Variants in CIB4 observed in about 807,000 individuals in gnomAD.
The protein encoded by CIB4 is calcium and integrin-binding family member 4.
CIB4 carries 25 observed loss-of-function variants against 25.8 expected under a neutral mutation model. The ratio of observed to expected loss-of-function variants is 0.97; its 90% confidence interval spans 0.71 to 1.35. The LOEUF (loss-of-function observed/expected upper bound fraction) is 1.35. CIB4 is among the 40% of genes most tolerant of loss of function. CIB4 has a pLI of 0.00. For synonymous variants in CIB4, 75 were observed against 81.4 expected (o/e 0.92, Z 0.42); for missense variants, 235 against 228.2 (o/e 1.03, Z -0.19).
At chr2:26,582,221 C>A (rs933952536) in intron 6 of CIB4, among the ~76,000 whole-genome samples, 2 of 152,178 alleles carry the variant, frequency 1.3e-5, no homozygotes, top group African/African-American at 2.4e-5. Context: ...GAGCAGGAGA[C>A]GCCAGCTCCA....
chr2:26,586,052 C>T (rs1668446311), intron 4 of CIB4, among the ~76,000 whole-genome samples: 1 of 152,194 alleles, frequency 6.6e-6, no homozygotes, highest in African/African-American at 2.4e-5. Context: ...CACTACCCCA[C>T]CCTAGCCCAG....
At chr2:26,632,247 A>G (rs149366861) in intron 2 of CIB4, among the ~76,000 whole-genome samples, 1 of 152,138 alleles carries the variant, frequency 6.6e-6, no homozygotes, top group Non-Finnish European at 1.5e-5. Flanking sequence ...TGTGGTGTTC[A>G]TGGAGAGCAC....
At chr2:26,593,606 C>A (rs1365514546) in intron 4 of CIB4, among the ~76,000 whole-genome samples, 1 of 152,112 alleles carries the variant, frequency 6.6e-6, no homozygotes, top group African/African-American at 2.4e-5. Flanking sequence ...GAGAATTCAT[C>A]AATGAAAACA....
At chr2:26,599,071 G>A (rs1668735523) in intron 3 of CIB4, among the ~76,000 whole-genome samples, 1 of 152,204 alleles carries the variant, frequency 6.6e-6, no homozygotes, top group South Asian at 2.1e-4. Context: ...CCTATCCAGA[G>A]AGTTATCATC....
At chr2:26,629,567 G>T in intron 2 of CIB4, 61 bp from the exon 3 acceptor site, 3 of 1,150,424 alleles carry the variant, frequency 2.6e-6, no homozygotes, top group South Asian at 1.3e-5. Context: ...TGTGTGGCCG[G>T]GGAAAGGAGG....
intron 2 of CIB4, among the ~76,000 whole-genome samples, chr2:26,630,871 T>C (rs1669404605): frequency 6.6e-6 from 1 of 152,092 alleles, no homozygotes; most frequent in South Asian, 2.1e-4. Flanking sequence ...ATACTCCAGG[T>C]GCCCCTGTGC....
In CIB4 at chr2:26,640,520, G is replaced by A. The variant is rs3739079; in HGVS notation, c.89+13C>T. 1.1e-3 allele frequency: 1,754 copies of A among 1,612,892 alleles called. 35 individuals carry two copies. In the East Asian group the frequency reaches 0.03, roughly 27 times the overall value. Reference sequence around the variant, plus strand: ...AGCTGGGAGAAGGAAAGAGGGGCGGGGCTTCTACTCACCACAGAATTTCAT... The same window carrying A: ...AGCTGGGAGAAGGAAAGAGGGGCGGAGCTTCTACTCACCACAGAATTTCAT... On this transcript the variant is annotated intron_variant, in intron 2 of 6. Transcript: ENST00000288861.
In CIB4 at chr2:26,627,595, A is replaced by G. The variant is rs1044352907; in HGVS notation, c.186+1815T>C. Among the ~76,000 whole-genome samples the G allele has an allele frequency of 3.3e-5, 5 of 152,120 alleles. No homozygotes were observed. The highest frequency in any genetic ancestry group is 1.2e-4 in the African/African-American group (5 of 41,400). On this transcript the variant is annotated intron_variant, in intron 3 of 6. Coordinates refer to ENST00000288861, the MANE Select transcript of CIB4 (RefSeq NM_001029881.3). The surrounding 1 kb of genome is among the most constrained non-coding windows in gnomAD (Gnocchi z 4.0). The stretch of plus-strand genomic sequence containing the variant: ...TGGTGGAGCCCATGCACGTGTACAC[A>G]TGGGGTGTGACTGTATGAGGGTGAG...
chr2:26,638,939 A>C (rs1276832178), intron 2 of CIB4, among the ~76,000 whole-genome samples: 1 of 152,068 alleles, frequency 6.6e-6, no homozygotes, highest in East Asian at 1.9e-4. Context: ...GAGACAGAGC[A>C]AGACTCTGTC....
chr2:26,590,856 G>T (rs936363156), intron 4 of CIB4, among the ~76,000 whole-genome samples: 1 of 152,190 alleles, frequency 6.6e-6, no homozygotes, highest in African/African-American at 2.4e-5. Flanking sequence ...TGCTGCAAGG[G>T]GCCTGGAGAG....
At chr2:26,610,002 G>C (rs1000063551) in intron 3 of CIB4, among the ~76,000 whole-genome samples, 1 of 152,206 alleles carries the variant, frequency 6.6e-6, no homozygotes, top group Admixed American at 6.5e-5. Context: ...TAGAACATTC[G>C]CTCCTCTGCT....
intron 2 of CIB4, among the ~76,000 whole-genome samples, chr2:26,639,168 T>C (rs546885067): frequency 1.3e-5 from 2 of 152,162 alleles, no homozygotes; most frequent in East Asian, 3.9e-4. Context: ...TCTTTTCACT[T>C]AGAACTTTTA....
At chr2:26,604,611 T>C (rs1366621050) in intron 3 of CIB4, among the ~76,000 whole-genome samples, 1 of 152,030 alleles carries the variant, frequency 6.6e-6, no homozygotes, top group Non-Finnish European at 1.5e-5. Context: ...ACTCTTTTTT[T>C]CCCCCAGACA....
intron 3 of CIB4, among the ~76,000 whole-genome samples, chr2:26,622,215 G>T (rs1239254416): frequency 6.6e-6 from 1 of 152,096 alleles, no homozygotes; most frequent in African/African-American, 2.4e-5. Context: ...GCAAAAATTA[G>T]CTGGGCATGG....
rs138423752 is a variant in CIB4, at chr2:26,637,272, C to T, written c.89+3261G>A. On this transcript the variant is annotated intron_variant, in intron 2 of 6. Transcript: ENST00000288861. ...AGGTTCCTGAGCCTTTCTGCGTTCT[C>T]GATTCCATCATCCAACCCCTGCAGG... Among the ~76,000 whole-genome samples the T allele has an allele frequency of 4.1e-3, 623 of 152,198 alleles. 5 individuals are homozygous for T. Among genetic ancestry groups the T allele is most frequent in the African/African-American group, 0.014 (583 of 41,526 alleles).
At chr2:26,598,028 G>T (rs543118317) in intron 3 of CIB4, among the ~76,000 whole-genome samples, 1 of 151,966 alleles carries the variant, frequency 6.6e-6, no homozygotes, top group East Asian at 1.9e-4. Flanking sequence ...GGCCGGGCAC[G>T]GTGGCTCACG....
intron 3 of CIB4, among the ~76,000 whole-genome samples, chr2:26,611,263 T>C (rs1668990749): frequency 6.6e-6 from 1 of 152,238 alleles, no homozygotes; most frequent in Non-Finnish European, 1.5e-5. Context: ...GTGGCGCCTG[T>C]CAGCACAGTC....
intron 2 of CIB4, among the ~76,000 whole-genome samples, chr2:26,633,298 C>T (rs1487167317): frequency 1.3e-5 from 2 of 152,222 alleles, no homozygotes; most frequent in Admixed American, 6.5e-5. Flanking sequence ...ACTGAATTTT[C>T]CCAACAACTC....
At position 26,585,161 on chromosome 2, in the gene CIB4, G is replaced by A. The variant is rs192182974; in HGVS notation, c.329-1263C>T. Reference sequence around the variant, plus strand: ...TAAATGGGTCTTCTCAACAGACCTTGGAAGAGCATGACCTGGAGGGACGGT... The same window carrying A: ...TAAATGGGTCTTCTCAACAGACCTTAGAAGAGCATGACCTGGAGGGACGGT... On this transcript the variant is annotated intron_variant, in intron 4 of 6. Coordinates refer to ENST00000288861, the MANE Select transcript of CIB4 (RefSeq NM_001029881.3). 1.6e-3 allele frequency among the ~76,000 whole-genome samples: 237 copies of A among 152,288 alleles called. 2 individuals carry two copies. Among genetic ancestry groups the A allele is most frequent in the African/African-American group, 5.4e-3 (224 of 41,560 alleles).
Sources: allele counts gnomAD v4.1 joint callset (sites outside exome capture counted in the v4.1 genomes callset), GRCh38; gene constraint gnomAD v4.1.1; non-coding constraint Gnocchi (gnomAD v3.1); transcripts MANE v1.5; gene names NCBI Gene and HGNC (gene_info 2026-07-23, HGNC 2026-07-21).